The following KLC3 variants were observed in gnomAD, a reference collection of about 807,000 sequenced individuals.
KLC3 encodes kinesin light chain 2.
KLC3 carries 72 observed loss-of-function variants against 62.9 expected under a neutral mutation model. That is an observed-to-expected ratio of 1.15 (90% confidence interval 0.95 to 1.39). KLC3 has a LOEUF of 1.39. Among genes scored for constraint, KLC3 ranks in the 40% most tolerant of loss-of-function variants. The pLI is 0.00. For missense variants in KLC3, 848 were observed against 691.6 expected, an observed-to-expected ratio of 1.23 and a Z score of -2.54; for synonymous variants, 377 against 300.5, an observed-to-expected ratio of 1.25 and a Z score of -2.63.
intron 1 of KLC3, among the ~76,000 whole-genome samples, chr19:45,344,626 T>G (rs1971452208): frequency 6.6e-6 from 1 of 152,044 alleles, no homozygotes; most frequent in South Asian, 2.1e-4. Flanking sequence ...GGTGCGGGTG[T>G]GTGAGGTGTT....
chr19:45,350,465 G>T (rs1271721824), intron 9 of KLC3, 34 bp downstream of exon 9: 10 of 1,613,364 alleles, frequency 6.2e-6, no homozygotes, highest in Non-Finnish European at 8.5e-6. Context: ...CTTCCCTCCT[G>T]GTGGCTTCTC....
intron 1 of KLC3, 131 bp from the exon 2 acceptor site, chr19:45,345,403 A>T: frequency 1.7e-6 from 2 of 1,208,596 alleles, no homozygotes; most frequent in South Asian, 2.8e-5. Flanking sequence ...GCTGGCCAGG[A>T]TGGGTGGAGC....
intron 1 of KLC3, among the ~76,000 whole-genome samples, chr19:45,343,043 C>T (rs976255641): frequency 2.0e-5 from 3 of 152,284 alleles, no homozygotes; most frequent in Middle Eastern, 3.4e-3. Context: ...AATCTGAGTA[C>T]TTGTGTGTGC....
intron 1 of KLC3, among the ~76,000 whole-genome samples, chr19:45,341,802 T>TGTGTAG (rs139012889): frequency 0.021 from 2,929 of 137,144 alleles, 105 homozygotes; most frequent in African/African-American, 0.073. Context: ...TGTGTGTGTG[T>TGTGTAG]AGAGAGGAAC....
intron 1 of KLC3, among the ~76,000 whole-genome samples, chr19:45,341,587 G>A (rs963546127): frequency 2.1e-5 from 3 of 143,396 alleles, no homozygotes; most frequent in Admixed American, 6.8e-5. Flanking sequence ...GTGCGCGCGC[G>A]CGTGTGGTGG....
intron 1 of KLC3, among the ~76,000 whole-genome samples, chr19:45,341,055 G>C (rs1374352911): frequency 6.6e-6 from 1 of 152,074 alleles, no homozygotes; most frequent in African/African-American, 2.4e-5. Context: ...GGACGGGGCG[G>C]GGCCTGGGAG....
chr19:45,350,037 A>C (rs2123199974), intron 8 of KLC3: 1 of 458,636 alleles, frequency 2.2e-6, no homozygotes, highest in East Asian at 3.8e-5. Context: ...CCTGTCCTCC[A>C]TCCCCAGGGC....
chr19:45,347,401 A>C, intron 3 of KLC3, 46 bp from the exon 4 acceptor site: 1 of 1,485,808 alleles, frequency 6.7e-7, no homozygotes, highest in Non-Finnish European at 9.3e-7. Context: ...CCGGTCTCTG[A>C]AACAAGCCCC....
At chr19:45,346,049 C>A (rs936417063) in intron 2 of KLC3, among the ~76,000 whole-genome samples, 1 of 152,162 alleles carries the variant, frequency 6.6e-6, no homozygotes, top group Non-Finnish European at 1.5e-5. Context: ...GTAATCCCGG[C>A]TACTCAGGAG....
At chr19:45,342,147 T>G (rs987502532) in intron 1 of KLC3, among the ~76,000 whole-genome samples, 1 of 151,988 alleles carries the variant, frequency 6.6e-6, no homozygotes, top group Non-Finnish European at 1.5e-5. Flanking sequence ...TGTCTGAGGT[T>G]ATAGAGGGAG....
Position 45,347,983 on chromosome 19 carries a change from A to AT in KLC3, c.603dup (p.Glu202Ter), listed in dbSNP as rs1412761456. On this transcript the variant is annotated frameshift_variant, in exon 5 of 13. Coordinates refer to ENST00000391946, the MANE Select transcript of KLC3 (RefSeq NM_177417.3). LOFTEE classifies it high-confidence loss of function. Reference sequence around the variant, plus strand: ...GCAGCAGCTGCTCAGCAGGGTGGCTATGAGATCCCTGCCCGCCTTCGGACC... The same window carrying AT: ...GCAGCAGCTGCTCAGCAGGGTGGCTATTGAGATCCCTGCCCGCCTTCGGACC... 1 of 1,609,272 alleles carries AT rather than the reference A, an allele frequency of 6.2e-7. No homozygotes were observed.
At position 45,348,932 on chromosome 19, in the gene KLC3, C is replaced by CCT. The variant is rs1224907251; in HGVS notation, c.969+13_969+14dup. 5 of 1,562,516 alleles carry CCT rather than the reference C, an allele frequency of 3.2e-6. No individual in the cohort carries two copies. Among genetic ancestry groups the CCT allele is most frequent in the Non-Finnish European group, 4.3e-6 (5 of 1,152,206 alleles). On this transcript the variant is annotated intron_variant, in intron 7 of 12. Transcript: ENST00000391946. ...GAGATCCGAGAGAAGGTCCCATCCC[C>CCT]CTCACCCCACCCCGAGGAACCCCTT... is the stretch of plus-strand genomic sequence containing the variant.
chr19:45,343,244 G>A (rs73940012), intron 1 of KLC3, among the ~76,000 whole-genome samples: 3,081 of 152,246 alleles, frequency 0.02, 102 homozygotes, highest in African/African-American at 0.07. Flanking sequence ...ACGGTCAAGT[G>A]CAAGGAGATG....
In KLC3 at chr19:45,346,560, C is replaced by G. The variant is rs374654450; in HGVS notation, c.275C>G (p.Ser92Trp). ...LGEAQVLLAL[S>W]AHVGALEAEK... ...CCCGGGCAGGTGCTGCTGGCCCTGT[C>G]GGCACATGTGGGTGCACTGGAGGCA... is the stretch of plus-strand genomic sequence containing the variant. Residue 92 changes from serine (S) to tryptophan (W), a missense_variant, in exon 3 of 13, where the codon TCG becomes TGG. Transcript: ENST00000391946. 3.3e-6 allele frequency: 5 copies of G among 1,538,166 alleles called. No individual in the cohort carries two copies. Among genetic ancestry groups the G allele is most frequent in the Non-Finnish European group, 3.5e-6 (4 of 1,139,390 alleles).
At chr19:45,346,809 C>T (rs200407385) in intron 3 of KLC3, 35 bp downstream of exon 3, 373 of 1,511,870 alleles carry the variant, frequency 2.5e-4, no homozygotes, top group Non-Finnish European at 3.2e-4. Context: ...GGGTGCTGGG[C>T]CCTTCATAGA....
At position 45,351,492 on chromosome 19, in the gene KLC3, C is replaced by T. The variant is rs545076380; in HGVS notation, c.*135C>T. ...CCTGGTGGATAGCTGCCTTCTCCTG[C>T]GATTAAAGGCTGTGGACGTGACAGT... On this transcript the variant is annotated 3_prime_UTR_variant, in exon 13 of 13. Coordinates refer to ENST00000391946, the MANE Select transcript of KLC3 (RefSeq NM_177417.3). The T allele has an allele frequency of 1.1e-4, 170 of 1,588,982 alleles. 1 individual carries two copies. The highest frequency in any genetic ancestry group is 3.4e-4 in the Middle Eastern group (2 of 5,952).
Position 45,350,434 on chromosome 19 carries a change from G to GAGCCCCT in KLC3, c.1234+11_1234+17dup, listed in dbSNP as rs3916903. The GAGCCCCT allele has an allele frequency of 1.9e-3, 3,093 of 1,613,746 alleles. 6 individuals carry two copies. The highest frequency in any genetic ancestry group is 2.4e-3 in the Non-Finnish European group (2,804 of 1,179,796). Reference sequence around the variant, plus strand: ...GGAGGACCTACCCGCCCCTCTCGGTGAGCCCCTAGCCCCTGTCTGTCTTCC... The same window carrying GAGCCCCT: ...GGAGGACCTACCCGCCCCTCTCGGTGAGCCCCTAGCCCCTAGCCCCTGTCTGTCTTCC... On this transcript the variant is annotated splice_donor_region_variant and intron_variant, in intron 9 of 12. Coordinates refer to ENST00000391946, the MANE Select transcript of KLC3 (RefSeq NM_177417.3).
At chr19:45,344,081 G>A (rs188137868) in intron 1 of KLC3, among the ~76,000 whole-genome samples, 43 of 151,690 alleles carry the variant, frequency 2.8e-4, no homozygotes, top group South Asian at 1.0e-3. Context: ...TCCTGCCTCA[G>A]CCAAAATCCC....
rs35030295 is a variant in KLC3 at position 45,348,666 on chromosome 19, A to C, written c.800A>C (p.Glu267Ala). Residue 267 changes from glutamate to alanine, a missense_variant, in exon 6 of 13, where the codon GAA becomes GCA. By Grantham distance (107) the Glu-to-Ala change is moderately radical (BLOSUM62 -1). Coordinates refer to ENST00000391946, the MANE Select transcript of KLC3 (RefSeq NM_177417.3). Reference sequence around the variant, plus strand: ...CACAGGGACCAGAACAAGTACAAAGAAGCCACAGACCTTCTCCATGATGCC... The same window carrying C: ...CACAGGGACCAGAACAAGTACAAAGCAGCCACAGACCTTCTCCATGATGCC... ...LVYRDQNKYK[E>A]ATDLLHDALQ... The C allele has an allele frequency of 1.3e-4, 208 of 1,590,058 alleles. No individual in the cohort carries two copies. Among genetic ancestry groups the C allele is most frequent in the Non-Finnish European group, 1.7e-4 (196 of 1,168,610 alleles).
Sources: allele counts gnomAD v4.1 joint callset (sites outside exome capture counted in the v4.1 genomes callset), GRCh38; gene constraint gnomAD v4.1.1; transcripts MANE v1.5; gene names NCBI Gene and HGNC (gene_info 2026-07-23, HGNC 2026-07-21).